CSMD3: variants seen among roughly 807,000 people sequenced by gnomAD.
The protein encoded by CSMD3 is CUB and sushi domain-containing protein 3.
CSMD3 carries 177 observed loss-of-function variants against 435.2 expected under a neutral mutation model. The ratio of observed to expected loss-of-function variants is 0.41; its 90% CI spans 0.36 to 0.46. The LOEUF (loss-of-function observed/expected upper bound fraction) is 0.46. Among genes scored for constraint, CSMD3 ranks in the 20% least tolerant of loss-of-function variants. The pLI is 0.34. For synonymous variants in CSMD3, 1,656 were observed against 1,520.5 expected, an observed-to-expected ratio of 1.09 and a Z score of -2.07; for missense variants, 4,265 against 4,504.6, an observed-to-expected ratio of 0.95 and a Z score of 1.52.
intron 49 of CSMD3, among the ~76,000 whole-genome samples, chr8:112,312,684 T>A (rs1241706890): frequency 1.3e-5 from 2 of 152,218 alleles, no homozygotes; most frequent in African/African-American, 4.8e-5. Context: ...TATTCTAATA[T>A]GTAAAATACA....
chr8:112,916,989 C>T lies in CSMD3; in HGVS notation c.1633+4638G>A, dbSNP rs112134892. Among the ~76,000 whole-genome samples the T allele has an allele frequency of 2.1e-3, 321 of 151,896 alleles. 4 individuals carry two copies. The highest frequency in any genetic ancestry group is 7.5e-3 in the African/African-American group (311 of 41,492). ...TTAATAAACATGAGTTAGTGAGGGT[C>T]GCAGCTCTTACGTTTGACCAGTAGT... is the stretch of plus-strand genomic sequence containing the variant. On this transcript the variant is annotated intron_variant, in intron 10 of 70. Coordinates refer to ENST00000297405, the MANE Select transcript of CSMD3 (RefSeq NM_198123.2).
intron 41 of CSMD3, among the ~76,000 whole-genome samples, chr8:112,343,968 C>T (rs992589855): frequency 2.0e-5 from 3 of 152,054 alleles, no homozygotes; most frequent in South Asian, 2.1e-4. Flanking sequence ...CTGCAGCCTC[C>T]GCCTCCTGGG....
At chr8:112,277,322 G>A (rs1341939197) in intron 59 of CSMD3, among the ~76,000 whole-genome samples, 1 of 152,056 alleles carries the variant, frequency 6.6e-6, no homozygotes, top group Non-Finnish European at 1.5e-5. Context: ...AATCTCTAGG[G>A]CAAGGGCAAA....
At chr8:112,335,507 T>A (rs371859053) in intron 44 of CSMD3, 33 bp from the exon 45 acceptor site, 1 of 1,602,050 alleles carries the variant, frequency 6.2e-7, no homozygotes, top group East Asian at 2.2e-5. Flanking sequence ...GGAGGAGAGA[T>A]CAAGATTGAT....
At chr8:112,229,117 C>A (rs1812843719) in intron 69 of CSMD3, among the ~76,000 whole-genome samples, 1 of 152,066 alleles carries the variant, frequency 6.6e-6, no homozygotes. Flanking sequence ...ATAGGCAGAG[C>A]CCCGAACTAA....
intron 5 of CSMD3, among the ~76,000 whole-genome samples, chr8:113,065,577 A>G (rs1219391258): frequency 6.6e-6 from 1 of 152,016 alleles, no homozygotes; most frequent in Non-Finnish European, 1.5e-5. Context: ...TTTAGTAGAG[A>G]CAGGGTTTCA....
chr8:112,274,062 G>A (rs1817787975), intron 59 of CSMD3, among the ~76,000 whole-genome samples: 2 of 152,038 alleles, frequency 1.3e-5, no homozygotes, highest in African/African-American at 4.8e-5. Flanking sequence ...GTGGATAAGA[G>A]TTTTAAAGGC....
intron 13 of CSMD3, among the ~76,000 whole-genome samples, chr8:112,785,392 A>AG (rs1484667749): frequency 1.3e-5 from 2 of 152,188 alleles, no homozygotes; most frequent in Admixed American, 6.5e-5. Flanking sequence ...TCAACATAGT[A>AG]CCAGAAATTG....
intron 27 of CSMD3, among the ~76,000 whole-genome samples, chr8:112,531,857 T>C (rs1234103998): frequency 1.3e-5 from 2 of 152,070 alleles, no homozygotes; most frequent in African/African-American, 4.8e-5. Flanking sequence ...CAAGAAAATA[T>C]GATCTAAGCA....
intron 13 of CSMD3, among the ~76,000 whole-genome samples, chr8:112,691,853 T>G (rs1265332677): frequency 6.6e-6 from 1 of 152,134 alleles, no homozygotes; most frequent in East Asian, 1.9e-4. Context: ...CAGGCTGAAG[T>G]GCAGTGGCGT....
chr8:113,428,196 A>T (rs1219761743), intron 1 of CSMD3, among the ~76,000 whole-genome samples: 1 of 149,304 alleles, frequency 6.7e-6, no homozygotes, highest in Non-Finnish European at 1.5e-5. Flanking sequence ...TGTTACTCCA[A>T]CTGTGGGATA....
intron 5 of CSMD3, among the ~76,000 whole-genome samples, chr8:113,052,843 C>T (rs1345577932): frequency 6.6e-6 from 1 of 152,106 alleles, no homozygotes; most frequent in Non-Finnish European, 1.5e-5. Flanking sequence ...GGTATTAGAG[C>T]ATGTGGATTT....
intron 2 of CSMD3, among the ~76,000 whole-genome samples, chr8:113,280,177 T>G (rs1038523308): frequency 6.6e-6 from 1 of 151,944 alleles, no homozygotes; most frequent in African/African-American, 2.4e-5. Context: ...GATGCTGGCT[T>G]CATAGAATGA....
At chr8:113,376,839 C>A in intron 1 of CSMD3, 1 of 1,613,264 alleles carries the variant, frequency 6.2e-7, no homozygotes, top group East Asian at 2.2e-5. Flanking sequence ...GTCGCAACAA[C>A]CGGCCACCTC....
intron 67 of CSMD3, among the ~76,000 whole-genome samples, chr8:112,235,134 G>A (rs1172673361): frequency 6.6e-6 from 1 of 152,168 alleles, no homozygotes; most frequent in East Asian, 1.9e-4. Context: ...GGGAAGCCAA[G>A]GCGGACAGAT....
chr8:112,608,681 C>T (rs1325667398), intron 22 of CSMD3, among the ~76,000 whole-genome samples: 1 of 151,220 alleles, frequency 6.6e-6, no homozygotes, highest in African/African-American at 2.4e-5. Context: ...AATAGAAAAC[C>T]TCAAAATAAA....
At chr8:112,770,552 A>C (rs1563943588) in intron 13 of CSMD3, among the ~76,000 whole-genome samples, 1 of 152,008 alleles carries the variant, frequency 6.6e-6, no homozygotes. Context: ...GACTAAGACA[A>C]CCACATTTCA....
At chr8:112,749,918 CAG>C (rs1457879364) in intron 13 of CSMD3, among the ~76,000 whole-genome samples, 1 of 151,952 alleles carries the variant, frequency 6.6e-6, no homozygotes, top group African/African-American at 2.4e-5. Flanking sequence ...AGAGTACACT[CAG>C]GGCAGAGGGG....
At chr8:113,327,677 C>T (rs1160121613) in intron 1 of CSMD3, among the ~76,000 whole-genome samples, 1 of 152,034 alleles carries the variant, frequency 6.6e-6, no homozygotes, top group Non-Finnish European at 1.5e-5. Context: ...ATCTTGCATT[C>T]CCCTGGAAAA....
Sources: allele counts gnomAD v4.1 joint callset (sites outside exome capture counted in the v4.1 genomes callset), GRCh38; gene constraint gnomAD v4.1.1; transcripts MANE v1.5; gene names NCBI Gene and HGNC (gene_info 2026-07-23, HGNC 2026-07-21).